Variants in CFAP54 observed in about 807,000 individuals in gnomAD.
CFAP54 encodes cilia- and flagella-associated protein 54.
Under a neutral mutation model 370.4 loss-of-function variants are expected in CFAP54, and 290 were observed. That is an observed-to-expected ratio of 0.78 (90% CI 0.71 to 0.86). The LOEUF (loss-of-function observed/expected upper bound fraction) is 0.86. CFAP54 is among the 40% of genes least tolerant of loss of function. CFAP54 has a pLI of 0.00. For missense variants in CFAP54, 3,399 were observed against 3,528.7 expected, an observed-to-expected ratio of 0.96 and a Z score of 0.93; for synonymous variants, 1,206 against 1,236.5, an observed-to-expected ratio of 0.98 and a Z score of 0.52.
Position 96,685,017 on chromosome 12 carries a change from T to C in CFAP54, c.5805-12T>C, listed in dbSNP as rs777241789. 6.2e-7 allele frequency: 1 copy of C among 1,612,720 alleles called. No homozygotes were observed. Among genetic ancestry groups the C allele is most frequent in the Admixed American group, 1.7e-5 (1 of 59,924 alleles). On this transcript the variant is annotated splice_polypyrimidine_tract_variant and intron_variant, in intron 41 of 67. Transcript: ENST00000524981. The stretch of plus-strand genomic sequence containing the variant: ...AGAAAACTTACTGCTTGATGCTTTG[T>C]CTCTGTTTTAGGGCTGCTTTTAAGT...
chr12:96,573,530 C>T lies in CFAP54; in HGVS notation c.2620-3055C>T, dbSNP rs538741566. Among the ~76,000 whole-genome samples, 3 of 152,314 alleles carry T rather than the reference C, an allele frequency of 2.0e-5. No homozygotes were observed. The South Asian group carries it at 6.2e-4, about 32-fold the overall frequency. On this transcript the variant is annotated intron_variant, in intron 19 of 67. Coordinates refer to ENST00000524981, the MANE Select transcript of CFAP54 (RefSeq NM_001306084.2). ...GGAAGAGGGTGAAGAGGGAATGAGC[C>T]TCTGCCCAGCCCTGTGCTGATTGTG...
At chr12:96,830,070 T>C (rs1035016370) in intron 66 of CFAP54, among the ~76,000 whole-genome samples, 1 of 152,196 alleles carries the variant, frequency 6.6e-6, no homozygotes, top group African/African-American at 2.4e-5. Flanking sequence ...CTTCTTAAGA[T>C]GGACTAATAT....
At chr12:96,507,195 A>G in intron 4 of CFAP54, 96 bp downstream of exon 4, 5 of 951,340 alleles carry the variant, frequency 5.3e-6, no homozygotes, top group Non-Finnish European at 5.8e-6. Context: ...GATTTAAAAC[A>G]TACGCATTTC....
intron 26 of CFAP54, among the ~76,000 whole-genome samples, chr12:96,614,719 A>G (rs1956396932): frequency 6.6e-6 from 1 of 152,208 alleles, no homozygotes; most frequent in East Asian, 1.9e-4. Context: ...ATACACCAAT[A>G]ACAGACAAAC....
intron 63 of CFAP54, among the ~76,000 whole-genome samples, chr12:96,805,196 C>T (rs1056291503): frequency 6.6e-6 from 1 of 151,984 alleles, no homozygotes; most frequent in Non-Finnish European, 1.5e-5. Flanking sequence ...ACATTTATGA[C>T]CAAGTCCTCA....
intron 29 of CFAP54, 82 bp downstream of exon 29, chr12:96,625,889 C>A: frequency 9.1e-7 from 1 of 1,095,482 alleles, no homozygotes; most frequent in Non-Finnish European, 1.3e-6. Flanking sequence ...TTTCTGTTGT[C>A]TGCTTGAAGA....
At chr12:96,568,439 T>C (rs1484383828) in intron 19 of CFAP54, among the ~76,000 whole-genome samples, 1 of 152,254 alleles carries the variant, frequency 6.6e-6, no homozygotes, top group Admixed American at 6.5e-5. Context: ...AAATCTTCTA[T>C]AGCCATGTCT....
chr12:96,517,839 A>T (rs554925833), intron 5 of CFAP54, among the ~76,000 whole-genome samples: 19 of 152,302 alleles, frequency 1.2e-4, no homozygotes, highest in African/African-American at 4.6e-4. Flanking sequence ...TCCGTGAGGG[A>T]TGGAAGTGCT....
chr12:96,538,665 T>C, intron 13 of CFAP54, 147 bp downstream of exon 13: 2 of 764,848 alleles, frequency 2.6e-6, no homozygotes, highest in Non-Finnish European at 4.1e-6. Flanking sequence ...AGATATTCTT[T>C]CTAGCGCTGA....
intron 26 of CFAP54, among the ~76,000 whole-genome samples, chr12:96,600,109 T>C (rs937683390): frequency 1.9e-4 from 29 of 152,352 alleles, no homozygotes; most frequent in Non-Finnish European, 3.7e-4. Context: ...GCCAGTTTTC[T>C]TCTAGGGTTT....
At position 96,512,967 on chromosome 12, in the gene CFAP54, A is replaced by G; in HGVS notation, c.740-19A>G. ...TCATTTGACTGTAAAACATGTTAACAATCGTTTTCTCCATCCAGGTACCAT... is the reference window on the plus strand; with the variant it reads ...TCATTTGACTGTAAAACATGTTAACGATCGTTTTCTCCATCCAGGTACCAT... On this transcript the variant is annotated intron_variant, in intron 4 of 67. Coordinates refer to ENST00000524981, the MANE Select transcript of CFAP54 (RefSeq NM_001306084.2). The G allele has an allele frequency of 1.4e-6, 2 of 1,471,976 alleles. No homozygotes were observed. Among genetic ancestry groups the G allele is most frequent in the East Asian group, 2.6e-5 (1 of 39,100 alleles). 91.2% of individuals were successfully genotyped at this position (1,471,976 alleles called of 1,614,324 possible). A position where few individuals can be genotyped will look rare whatever the true frequency, so the allele number is the denominator to read the frequency against.
chr12:96,721,917 G>A (rs1228174384), intron 50 of CFAP54, among the ~76,000 whole-genome samples: 5 of 152,154 alleles, frequency 3.3e-5, no homozygotes, highest in Admixed American at 6.5e-5. Flanking sequence ...GGAGGGGGAC[G>A]AGTTACCATT....
chr12:96,835,730 G>A (rs1050666807), intron 66 of CFAP54, among the ~76,000 whole-genome samples: 2 of 152,106 alleles, frequency 1.3e-5, no homozygotes, highest in African/African-American at 2.4e-5. Flanking sequence ...AGGTTGGAGT[G>A]GGGATCCTGC....
intron 50 of CFAP54, among the ~76,000 whole-genome samples, chr12:96,738,419 G>T (rs1958005854): frequency 6.6e-6 from 1 of 152,246 alleles, no homozygotes; most frequent in South Asian, 2.1e-4. Context: ...AAATCGAGGT[G>T]TCGATGGGGC....
chr12:96,742,411 A>G, intron 51 of CFAP54, 28 bp from the exon 52 acceptor site: 1 of 1,507,608 alleles, frequency 6.6e-7, no homozygotes. Flanking sequence ...TTAAATGGAA[A>G]GATAACCATC....
At chr12:96,600,672 G>T (rs1956229858) in intron 26 of CFAP54, among the ~76,000 whole-genome samples, 1 of 150,886 alleles carries the variant, frequency 6.6e-6, no homozygotes, top group Admixed American at 6.6e-5. Context: ...TTGAGCAGTG[G>T]TTTGTAGTTG....
At chr12:96,661,905 G>T (rs1266871561) in intron 38 of CFAP54, among the ~76,000 whole-genome samples, 1 of 152,118 alleles carries the variant, frequency 6.6e-6, no homozygotes, top group Non-Finnish European at 1.5e-5. Flanking sequence ...AAACAAGCCT[G>T]TTCTGCTAAG....
intron 26 of CFAP54, among the ~76,000 whole-genome samples, chr12:96,607,857 C>A (rs1376760242): frequency 6.6e-6 from 1 of 151,052 alleles, no homozygotes; most frequent in Non-Finnish European, 1.5e-5. Flanking sequence ...TTTGTAGAAT[C>A]CTGAGGGAAA....
intron 19 of CFAP54, among the ~76,000 whole-genome samples, chr12:96,574,102 G>A (rs1236273117): frequency 6.6e-6 from 1 of 152,112 alleles, no homozygotes; most frequent in Non-Finnish European, 1.5e-5. Context: ...AAAAATATAT[G>A]ATGTTATAGT....
Sources: gnomAD v4.1 joint callset for allele counts (sites outside exome capture counted in the v4.1 genomes callset) on GRCh38, gnomAD v4.1.1 for gene constraint, MANE v1.5 for transcripts, NCBI Gene and HGNC (gene_info 2026-07-23, HGNC 2026-07-21) for gene names.